The following ZFAND3 variants were observed in gnomAD, a reference collection of about 807,000 sequenced individuals.
ZFAND3 encodes zinc finger AN1-type containing 3, also known as AN1-type zinc finger protein 3.
ZFAND3 carries 10 observed loss-of-function variants against 29.6 expected under a neutral mutation model. The ratio of observed to expected loss-of-function variants is 0.34; its 90% CI spans 0.21 to 0.57. The LOEUF (loss-of-function observed/expected upper bound fraction) is 0.57. Among genes scored for constraint, ZFAND3 ranks in the 20% least tolerant of loss-of-function variants. The probability of loss-of-function intolerance (pLI) is 0.86; values close to 1 mark genes in which losing one functional copy is unlikely to be tolerated. For synonymous variants in ZFAND3, 128 were observed against 112.6 expected (o/e 1.14, Z -0.87); for missense variants, 230 against 304.5 (o/e 0.76, Z 1.82).
At chr6:38,110,346 C>G (rs1406974925) in intron 4 of ZFAND3, among the ~76,000 whole-genome samples, 1 of 152,076 alleles carries the variant, frequency 6.6e-6, no homozygotes, top group Non-Finnish European at 1.5e-5. Context: ...CAAAGTCTTT[C>G]ATGGCACACA....
At chr6:37,897,003 A>G (rs908929053) in intron 1 of ZFAND3, among the ~76,000 whole-genome samples, 33 of 152,076 alleles carry the variant, frequency 2.2e-4, no homozygotes, top group Non-Finnish European at 4.3e-4. Context: ...TTAACATGAT[A>G]TTGTTGATAA....
rs33984396 is a variant in ZFAND3 at position 37,985,529 on chromosome 6, C to CACACACACA, written c.112+55530_112+55531insACACACACA. 5.7e-3 allele frequency among the ~76,000 whole-genome samples: 512 copies of CACACACACA among 89,750 alleles called. 3 individuals carry two copies. Among genetic ancestry groups the CACACACACA allele is most frequent in the Middle Eastern group, 0.03 (5 of 164 alleles). 58.9% of individuals were successfully genotyped at this position (89,750 alleles called of 152,430 possible). On this transcript the variant is annotated intron_variant, in intron 2 of 5. Transcript: ENST00000287218. The stretch of plus-strand genomic sequence containing the variant: ...CACACACACACACACACACACACAC[C>CACACACACA]CCCACACACGCCTGGTGGCACGTGC...
chr6:37,820,974 C>G (rs751169451), intron 1 of ZFAND3, among the ~76,000 whole-genome samples: 2 of 152,180 alleles, frequency 1.3e-5, no homozygotes, highest in African/African-American at 2.4e-5. Flanking sequence ...AAGCTGGAGA[C>G]TTTGAAGGCT....
At position 37,914,672 on chromosome 6, in the gene ZFAND3, C is replaced by CTTTTTTTTTTTTTTTTTTTTTTTTTT. The variant is rs71542148; in HGVS notation, c.72-15277_72-15276insTTTTTTTTTTTTTTTTTTTTTTTTTT. Among the ~76,000 whole-genome samples the CTTTTTTTTTTTTTTTTTTTTTTTTTT allele has an allele frequency of 1.8e-4, 20 of 114,206 alleles. 2 individuals are homozygous for CTTTTTTTTTTTTTTTTTTTTTTTTTT. Among genetic ancestry groups the CTTTTTTTTTTTTTTTTTTTTTTTTTT allele is most frequent in the African/African-American group, 3.6e-4 (10 of 28,018 alleles). The allele number at this position is 114,206 out of a possible 152,430, so 74.9% of individuals were successfully genotyped here. On this transcript the variant is annotated intron_variant, in intron 1 of 5. Transcript: ENST00000287218. The stretch of plus-strand genomic sequence containing the variant: ...TTTCTTTCTTTCTTTCTTTTTTTTT[C>CTTTTTTTTTTTTTTTTTTTTTTTTTT]TTTTTTTTTTAGTGGAGACGGGGTT...
Position 38,113,286 on chromosome 6 carries a change from A to G in ZFAND3, c.362-3286A>G, listed in dbSNP as rs375302511. ...CATAGACTTGTACGGATGCTGGGAC[A>G]TTGATTGTCAGAGGATCGAGTAGGG... On this transcript the variant is annotated intron_variant, in intron 4 of 5. Coordinates refer to ENST00000287218, the MANE Select transcript of ZFAND3 (RefSeq NM_021943.3). Among the ~76,000 whole-genome samples, 9 of 152,330 alleles carry G rather than the reference A, an allele frequency of 5.9e-5. No individual in the cohort carries two copies. The East Asian group carries it at 1.3e-3, about 23-fold the overall frequency.
At chr6:38,026,421 ATTTTTTTTTTTTT>A (rs10715149) in intron 2 of ZFAND3, among the ~76,000 whole-genome samples, 37 of 74,870 alleles carry the variant, frequency 4.9e-4, no homozygotes, top group Admixed American at 2.5e-3. Flanking sequence ...TTACTTTAGG[ATTTTTTTTTTTTT>A]TTTTTTTTTT....
At chr6:38,122,723 A>G (rs891705573) in intron 5 of ZFAND3, among the ~76,000 whole-genome samples, 5 of 152,242 alleles carry the variant, frequency 3.3e-5, no homozygotes, top group Non-Finnish European at 7.3e-5. Context: ...GAAGGCAGAC[A>G]TACATAAAAT....
intron 2 of ZFAND3, among the ~76,000 whole-genome samples, chr6:38,023,996 C>T (rs1241561217): frequency 2.6e-5 from 4 of 152,018 alleles, no homozygotes; most frequent in Admixed American, 6.5e-5. Flanking sequence ...AACCACTGCA[C>T]ACCAACCTGA....
At chr6:37,986,228 T>A (rs1762669594) in intron 2 of ZFAND3, among the ~76,000 whole-genome samples, 1 of 152,162 alleles carries the variant, frequency 6.6e-6, no homozygotes, top group African/African-American at 2.4e-5. Context: ...CTGGCAGGTA[T>A]CCTTGAGTTT....
chr6:37,966,449 T>TG (rs1762295039), intron 2 of ZFAND3, among the ~76,000 whole-genome samples: 1 of 152,202 alleles, frequency 6.6e-6, no homozygotes, highest in African/African-American at 2.4e-5. Context: ...TGATCCTCAT[T>TG]ATTCACTGAG....
At chr6:37,839,474 G>T (rs1445285053) in intron 1 of ZFAND3, among the ~76,000 whole-genome samples, 2 of 144,876 alleles carry the variant, frequency 1.4e-5, no homozygotes, top group African/African-American at 5.1e-5. Flanking sequence ...GAGCCACCGT[G>T]CCCGGCCAGT....
chr6:38,030,518 A>G (rs1253293067), intron 2 of ZFAND3, among the ~76,000 whole-genome samples: 3 of 152,186 alleles, frequency 2.0e-5, no homozygotes, highest in African/African-American at 7.2e-5. Context: ...TAGCTACCCC[A>G]AACTAAAGTA....
chr6:37,846,220 T>A (rs1282910717), intron 1 of ZFAND3, among the ~76,000 whole-genome samples: 2 of 152,244 alleles, frequency 1.3e-5, no homozygotes, highest in African/African-American at 4.8e-5. Flanking sequence ...TACATTATGC[T>A]TTGCTTAAAT....
intron 1 of ZFAND3, among the ~76,000 whole-genome samples, chr6:37,859,809 G>GTT (rs1764446845): frequency 6.7e-6 from 1 of 149,548 alleles, no homozygotes; most frequent in East Asian, 2.1e-4. Flanking sequence ...CTTTAAAAAG[G>GTT]GTTTTTTTTT....
At chr6:38,044,022 T>C (rs1277336388) in intron 2 of ZFAND3, among the ~76,000 whole-genome samples, 1 of 151,828 alleles carries the variant, frequency 6.6e-6, no homozygotes, top group Non-Finnish European at 1.5e-5. Context: ...AATGACACAA[T>C]AAAAAAAATT....
At chr6:38,051,565 A>C (rs530938804) in intron 2 of ZFAND3, among the ~76,000 whole-genome samples, 5 of 152,230 alleles carry the variant, frequency 3.3e-5, no homozygotes, top group African/African-American at 2.4e-5. Flanking sequence ...CCAAGGATCA[A>C]CTGTAAACAA....
intron 1 of ZFAND3, among the ~76,000 whole-genome samples, chr6:37,860,029 G>A (rs1280791282): frequency 2.1e-5 from 3 of 146,150 alleles, no homozygotes; most frequent in African/African-American, 7.8e-5. Flanking sequence ...CTGCCACTAC[G>A]CCCAGCTAAT....
intron 2 of ZFAND3, among the ~76,000 whole-genome samples, chr6:37,994,204 A>G (rs1394880158): frequency 1.3e-5 from 2 of 152,142 alleles, no homozygotes; most frequent in African/African-American, 4.8e-5. Flanking sequence ...AAGATGATGG[A>G]GTCACTGTAG....
intron 4 of ZFAND3, among the ~76,000 whole-genome samples, chr6:38,097,931 C>T (rs1162401436): frequency 6.6e-6 from 1 of 152,132 alleles, no homozygotes; most frequent in Non-Finnish European, 1.5e-5. Flanking sequence ...CCATAGCAGC[C>T]CTTGTTTGAA....
Sources: gnomAD v4.1 joint callset for allele counts (sites outside exome capture counted in the v4.1 genomes callset) on GRCh38, gnomAD v4.1.1 for gene constraint, MANE v1.5 for transcripts, NCBI Gene and HGNC (gene_info 2026-07-23, HGNC 2026-07-21) for gene names.